DSCAM: variants seen among roughly 807,000 people sequenced by gnomAD.
The protein encoded by DSCAM is DS cell adhesion molecule, also known as cell adhesion molecule DSCAM.
In DSCAM, 47 loss-of-function variants were observed where a neutral mutation model predicts 217.7. The ratio of observed to expected loss-of-function variants is 0.22; its 90% CI spans 0.17 to 0.28. The LOEUF (loss-of-function observed/expected upper bound fraction) is 0.28. Among genes scored for constraint, DSCAM ranks in the 10% least tolerant of loss-of-function variants. The pLI is 1.00. For synonymous variants in DSCAM, 1,056 were observed against 1,015.3 expected, an observed-to-expected ratio of 1.04 and a Z score of -0.76; for missense variants, 2,080 against 2,618.3, an observed-to-expected ratio of 0.79 and a Z score of 4.49.
intron 1 of DSCAM, among the ~76,000 whole-genome samples, chr21:40,721,057 G>T (rs1394274728): frequency 2.6e-5 from 4 of 152,146 alleles, no homozygotes; most frequent in African/African-American, 9.7e-5. Flanking sequence ...AGCAAAAGAG[G>T]TAAGAACTTC....
chr21:40,153,325 A>G (rs1489953346), intron 16 of DSCAM, among the ~76,000 whole-genome samples: 1 of 152,210 alleles, frequency 6.6e-6, no homozygotes, highest in South Asian at 2.1e-4. Context: ...AGGTTTGCCC[A>G]GAGTACTATG....
At chr21:40,298,936 A>G (rs1435735299) in intron 9 of DSCAM, among the ~76,000 whole-genome samples, 1 of 152,136 alleles carries the variant, frequency 6.6e-6, no homozygotes, top group Non-Finnish European at 1.5e-5. Flanking sequence ...AAATACGGTA[A>G]GTATAAGGTA....
At chr21:40,639,551 T>A (rs1489541880) in intron 3 of DSCAM, among the ~76,000 whole-genome samples, 1 of 152,194 alleles carries the variant, frequency 6.6e-6, no homozygotes, top group Non-Finnish European at 1.5e-5. Context: ...AATCAGTACA[T>A]ATAGAATGAA....
intron 3 of DSCAM, among the ~76,000 whole-genome samples, chr21:40,460,369 CATAAA>C (rs967615873): frequency 1.3e-5 from 2 of 151,606 alleles, no homozygotes; most frequent in African/African-American, 4.8e-5. Flanking sequence ...AAATGACAAA[CATAAA>C]ATAATGTTAT....
intron 3 of DSCAM, among the ~76,000 whole-genome samples, chr21:40,399,556 C>T (rs1285812354): frequency 6.6e-6 from 1 of 152,192 alleles, no homozygotes; most frequent in East Asian, 1.9e-4. Context: ...AGATAATATC[C>T]ATCAAAATTC....
At chr21:40,111,003 C>A (rs1262722644) in intron 20 of DSCAM, among the ~76,000 whole-genome samples, 2 of 152,148 alleles carry the variant, frequency 1.3e-5, no homozygotes, top group Non-Finnish European at 2.9e-5. Flanking sequence ...AGGATATTAT[C>A]CAGGAGAATT....
chr21:40,199,942 A>AT (rs1682053586), intron 11 of DSCAM, among the ~76,000 whole-genome samples: 1 of 133,704 alleles, frequency 7.5e-6, no homozygotes, highest in African/African-American at 4.1e-5. Flanking sequence ...AAGTAAAATT[A>AT]AAAAAACAAA....
At chr21:40,135,699 C>T (rs138468743) in intron 18 of DSCAM, among the ~76,000 whole-genome samples, 1 of 152,260 alleles carries the variant, frequency 6.6e-6, no homozygotes, top group African/African-American at 2.4e-5. Flanking sequence ...TGAATAGCCA[C>T]GTATTTTGTG....
chr21:40,792,145 T>A (rs1439752525), intron 1 of DSCAM, among the ~76,000 whole-genome samples: 2 of 146,020 alleles, frequency 1.4e-5, no homozygotes, highest in African/African-American at 5.2e-5. Flanking sequence ...TTCTTTTTTT[T>A]TTTTTTTTTT....
intron 3 of DSCAM, among the ~76,000 whole-genome samples, chr21:40,395,859 T>C (rs1416794829): frequency 6.6e-6 from 1 of 152,156 alleles, no homozygotes; most frequent in Non-Finnish European, 1.5e-5. Context: ...TGTGACCTGA[T>C]CATTTATTTG....
At chr21:40,202,992 C>T (rs954143153) in intron 11 of DSCAM, among the ~76,000 whole-genome samples, 1 of 152,194 alleles carries the variant, frequency 6.6e-6, no homozygotes, top group Admixed American at 6.5e-5. Context: ...ATTAAGTTCT[C>T]TGCTGAGAAA....
chr21:40,122,342 T>C (rs1428503013), intron 20 of DSCAM, among the ~76,000 whole-genome samples: 1 of 152,184 alleles, frequency 6.6e-6, no homozygotes, highest in East Asian at 1.9e-4. Context: ...AGGAAGCTGC[T>C]GGTCTTTCTA....
intron 11 of DSCAM, among the ~76,000 whole-genome samples, chr21:40,200,314 G>GC (rs139690511): frequency 0.041 from 6,191 of 152,044 alleles, 412 homozygotes; most frequent in African/African-American, 0.14. Context: ...CCTTTTCCTG[G>GC]CCCCCAGGCC....
At chr21:40,536,055 C>T (rs1007270546) in intron 3 of DSCAM, among the ~76,000 whole-genome samples, 4 of 152,206 alleles carry the variant, frequency 2.6e-5, no homozygotes, top group African/African-American at 9.7e-5. Context: ...CGTTACTTTA[C>T]ATCACATCTC....
chr21:40,406,414 A>G (rs2075280049), intron 3 of DSCAM, among the ~76,000 whole-genome samples: 1 of 152,256 alleles, frequency 6.6e-6, no homozygotes, highest in African/African-American at 2.4e-5. Context: ...CCACCAAAGC[A>G]TTAATGAATA....
At chr21:40,824,669 C>T (rs113698762) in intron 1 of DSCAM, among the ~76,000 whole-genome samples, 2,131 of 152,156 alleles carry the variant, frequency 0.014, 59 homozygotes, top group African/African-American at 0.048. Flanking sequence ...CCTGCCTTGG[C>T]CCCGTCAAAG....
Position 40,635,238 on chromosome 21 carries a change from A to G in DSCAM, c.508+57572T>C, listed in dbSNP as rs187865206. ...AATAAAGAAGAGAAAGCGAAGACAC[A>G]CAGCAGACAGCCTGGAGGGAGGGAT... On this transcript the variant is annotated intron_variant, in intron 3 of 32. Coordinates refer to ENST00000400454, the MANE Select transcript of DSCAM (RefSeq NM_001389.5). Among the ~76,000 whole-genome samples, 144 of 152,296 alleles carry G rather than the reference A, an allele frequency of 9.5e-4. 1 individual carries two copies. Among genetic ancestry groups the G allele is most frequent in the Non-Finnish European group, 1.7e-3 (115 of 68,016 alleles).
At chr21:40,638,350 A>C (rs1476967258) in intron 3 of DSCAM, among the ~76,000 whole-genome samples, 1 of 152,186 alleles carries the variant, frequency 6.6e-6, no homozygotes, top group East Asian at 1.9e-4. Flanking sequence ...AACTTTAACA[A>C]ATGCAATGCA....
At chr21:40,041,077 G>C (rs1033579332) in intron 32 of DSCAM, among the ~76,000 whole-genome samples, 1 of 152,136 alleles carries the variant, frequency 6.6e-6, no homozygotes, top group Non-Finnish European at 1.5e-5. Context: ...TTATTTGCTG[G>C]ATAAACTATT....
Sources: allele counts gnomAD v4.1 joint callset (sites outside exome capture counted in the v4.1 genomes callset), GRCh38; gene constraint gnomAD v4.1.1; transcripts MANE v1.5; gene names NCBI Gene and HGNC (gene_info 2026-07-23, HGNC 2026-07-21).